The following SNTB1 variants were observed in gnomAD, a reference collection of about 807,000 sequenced individuals.
SNTB1 encodes the protein beta-1-syntrophin.
A neutral mutation model predicts 48.9 loss-of-function variants in SNTB1; 36 were observed. The ratio of observed to expected loss-of-function variants is 0.74; its 90% CI spans 0.56 to 0.97. The LOEUF (loss-of-function observed/expected upper bound fraction) is 0.97. Among genes scored for constraint, SNTB1 ranks in the 50% least tolerant of loss-of-function variants. The pLI is 0.00. For synonymous variants in SNTB1, 299 were observed against 294.6 expected (o/e 1.01, Z -0.15); for missense variants, 786 against 703.4 (o/e 1.12, Z -1.33).
At chr8:120,685,071 T>A (rs1320560951) in intron 2 of SNTB1, among the ~76,000 whole-genome samples, 1 of 152,224 alleles carries the variant, frequency 6.6e-6, no homozygotes, top group Non-Finnish European at 1.5e-5. Context: ...TCTTCATGGC[T>A]TTGATGGGCA....
At chr8:120,673,792 C>T (rs1418033377) in intron 2 of SNTB1, among the ~76,000 whole-genome samples, 2 of 152,072 alleles carry the variant, frequency 1.3e-5, no homozygotes, top group Non-Finnish European at 2.9e-5. Flanking sequence ...CCCCAACAGC[C>T]CCTCTGGTTT....
intron 1 of SNTB1, among the ~76,000 whole-genome samples, chr8:120,726,763 G>C (rs1265977910): frequency 1.3e-5 from 2 of 152,176 alleles, no homozygotes; most frequent in Non-Finnish European, 2.9e-5. Flanking sequence ...AATCGACACT[G>C]AACTTCCAGT....
intron 4 of SNTB1, among the ~76,000 whole-genome samples, chr8:120,558,576 A>G (rs1815605628): frequency 6.6e-6 from 1 of 152,224 alleles, no homozygotes; most frequent in Non-Finnish European, 1.5e-5. Flanking sequence ...AAAAATAAAT[A>G]GGACCGTATA....
At chr8:120,659,774 C>A (rs1384355820) in intron 2 of SNTB1, among the ~76,000 whole-genome samples, 1 of 152,128 alleles carries the variant, frequency 6.6e-6, no homozygotes, top group Non-Finnish European at 1.5e-5. Flanking sequence ...ATGATTCATG[C>A]CTTCACTCAT....
At chr8:120,663,577 G>A (rs1817626557) in intron 2 of SNTB1, among the ~76,000 whole-genome samples, 1 of 152,144 alleles carries the variant, frequency 6.6e-6, no homozygotes, top group Non-Finnish European at 1.5e-5. Flanking sequence ...AAAGTGCTGG[G>A]ATTACAGGCA....
chr8:120,770,865 T>C (rs1819615447), intron 1 of SNTB1, among the ~76,000 whole-genome samples: 5 of 152,232 alleles, frequency 3.3e-5, no homozygotes, highest in African/African-American at 9.6e-5. Flanking sequence ...CCATCTAATT[T>C]CAATGGTCTG....
At chr8:120,710,450 G>A (rs540264288) in intron 1 of SNTB1, among the ~76,000 whole-genome samples, 5 of 152,256 alleles carry the variant, frequency 3.3e-5, no homozygotes, top group Admixed American at 6.5e-5. Flanking sequence ...AACATGTAAC[G>A]CACAAATTTG....
chr8:120,778,176 A>T (rs1395178594), intron 1 of SNTB1, among the ~76,000 whole-genome samples: 2 of 152,192 alleles, frequency 1.3e-5, no homozygotes, highest in Non-Finnish European at 2.9e-5. Flanking sequence ...CAAAGTCATT[A>T]AGTTCACTTC....
intron 2 of SNTB1, among the ~76,000 whole-genome samples, chr8:120,675,355 C>A (rs1024647653): frequency 1.3e-5 from 2 of 152,140 alleles, no homozygotes; most frequent in Non-Finnish European, 2.9e-5. Context: ...ACATGATGAT[C>A]CTATTAGTTA....
intron 1 of SNTB1, among the ~76,000 whole-genome samples, chr8:120,750,300 T>C (rs11996189): frequency 0.13 from 19,728 of 152,066 alleles, 1,660 homozygotes; most frequent in African/African-American, 0.23. Flanking sequence ...TGAATTAGTG[T>C]ATTTATACAA....
chr8:120,743,182 G>A lies in SNTB1; in HGVS notation c.572-49274C>T, dbSNP rs543376864. 3.6e-4 allele frequency among the ~76,000 whole-genome samples: 55 copies of A among 152,236 alleles called. 1 individual carries two copies. In the South Asian group the frequency reaches 3.7e-3, roughly 10 times the overall value. On this transcript the variant is annotated intron_variant, in intron 1 of 6. Coordinates refer to ENST00000517992, the MANE Select transcript of SNTB1 (RefSeq NM_021021.4). ...TTTTTCTGCTCAATTGTTCCACAAGGAAACTTCTGATTAGTAGAGACCAAA... is the reference window on the plus strand; with the variant it reads ...TTTTTCTGCTCAATTGTTCCACAAGAAAACTTCTGATTAGTAGAGACCAAA...
intron 4 of SNTB1, among the ~76,000 whole-genome samples, chr8:120,555,854 G>A (rs1815558670): frequency 1.3e-5 from 2 of 152,128 alleles, no homozygotes; most frequent in Non-Finnish European, 2.9e-5. Flanking sequence ...CCCCTCCCGT[G>A]CACTCACAGA....
intron 3 of SNTB1, among the ~76,000 whole-genome samples, chr8:120,621,153 T>C (rs927231243): frequency 1.3e-5 from 2 of 151,786 alleles, no homozygotes; most frequent in South Asian, 4.2e-4. Context: ...AGAGACGAGG[T>C]TTCACAGTGT....
At position 120,664,807 on chromosome 8, in the gene SNTB1, C is replaced by A. The variant is rs1301488821; in HGVS notation, c.788+28885G>T. Among the ~76,000 whole-genome samples, 3 of 152,168 alleles carry A rather than the reference C, an allele frequency of 2.0e-5. No individual in the cohort carries two copies. The East Asian group carries it at 5.8e-4, about 29-fold the overall frequency. On this transcript the variant is annotated intron_variant, in intron 2 of 6. Coordinates refer to ENST00000517992, the MANE Select transcript of SNTB1 (RefSeq NM_021021.4). ...TGATAGCTAGGAGAGGAATTGCTGG[C>A]TCATATGGTAGGTGTGCCTTTAACA...
intron 1 of SNTB1, among the ~76,000 whole-genome samples, chr8:120,735,230 G>A (rs902585327): frequency 1.3e-5 from 2 of 152,140 alleles, no homozygotes; most frequent in African/African-American, 2.4e-5. Flanking sequence ...GAGAATAGGA[G>A]AGTGGCTTGG....
intron 2 of SNTB1, among the ~76,000 whole-genome samples, chr8:120,681,431 A>G (rs1817928948): frequency 6.6e-6 from 1 of 152,212 alleles, no homozygotes; most frequent in South Asian, 2.1e-4. Flanking sequence ...AAAGGGCCAC[A>G]AAGAGAATTC....
intron 3 of SNTB1, among the ~76,000 whole-genome samples, chr8:120,603,591 A>T (rs1816460371): frequency 6.6e-6 from 1 of 152,188 alleles, no homozygotes; most frequent in African/African-American, 2.4e-5. Context: ...AAACTCTTGC[A>T]GGGGAGTCCA....
intron 2 of SNTB1, among the ~76,000 whole-genome samples, chr8:120,656,968 A>G (rs1369826383): frequency 6.6e-6 from 1 of 152,192 alleles, no homozygotes; most frequent in Non-Finnish European, 1.5e-5. Flanking sequence ...CTAGGTTTTG[A>G]GCTTAGACAA....
intron 3 of SNTB1, among the ~76,000 whole-genome samples, chr8:120,610,092 A>G (rs1027885650): frequency 6.6e-6 from 1 of 152,156 alleles, no homozygotes; most frequent in Non-Finnish European, 1.5e-5. Context: ...TCAGCAAAAG[A>G]TTATTTTGCT....
Sources: allele counts gnomAD v4.1 joint callset (sites outside exome capture counted in the v4.1 genomes callset), GRCh38; gene constraint gnomAD v4.1.1; transcripts MANE v1.5; gene names NCBI Gene and HGNC (gene_info 2026-07-23, HGNC 2026-07-21).